DYSF: variants seen among roughly 807,000 people sequenced by gnomAD.
DYSF encodes dystrophy-associated fer-1-like 1.
In DYSF, 212 loss-of-function variants were observed where a neutral mutation model predicts 274.9. The observed-to-expected ratio is 0.77, with a 90% CI of 0.69 to 0.86. The LOEUF (loss-of-function observed/expected upper bound fraction) is 0.86. Ranked by LOEUF, DYSF falls within the 40% of genes least tolerant of loss-of-function variation. DYSF has a pLI of 0.00. For synonymous variants in DYSF, 1,091 were observed against 1,078.7 expected, an observed-to-expected ratio of 1.01 and a Z score of -0.22; for missense variants, 2,666 against 2,783.2, an observed-to-expected ratio of 0.96 and a Z score of 0.95.
At chr2:71,641,431 G>A (rs145401553) in intron 41 of DYSF, among the ~76,000 whole-genome samples, 4,346 of 151,938 alleles carry the variant, frequency 0.029, 65 homozygotes, top group Non-Finnish European at 0.039. Flanking sequence ...CACCCGCCTC[G>A]GCCTCCCAAA....
intron 14 of DYSF, among the ~76,000 whole-genome samples, chr2:71,532,550 G>A (rs1003913337): frequency 6.6e-6 from 1 of 152,210 alleles, no homozygotes; most frequent in Non-Finnish European, 1.5e-5. Context: ...AGGCAGTGCT[G>A]GCTGGGGTGT....
chr2:71,671,287 G>A (rs922178566), intron 51 of DYSF, among the ~76,000 whole-genome samples: 9 of 152,328 alleles, frequency 5.9e-5, no homozygotes, highest in South Asian at 2.1e-4. Context: ...AGCATGGGCC[G>A]TTTGCAGGTT....
intron 1 of DYSF, among the ~76,000 whole-genome samples, chr2:71,471,927 C>T (rs1187058502): frequency 6.6e-6 from 1 of 152,170 alleles, no homozygotes; most frequent in African/African-American, 2.4e-5. Flanking sequence ...GATCTCACCA[C>T]TGCTCTCCAG....
intron 10 of DYSF, among the ~76,000 whole-genome samples, 183 bp downstream of exon 10, chr2:71,517,222 A>G (rs1318297134): frequency 2.0e-5 from 3 of 152,196 alleles, no homozygotes; most frequent in Non-Finnish European, 4.4e-5. Flanking sequence ...ACCTCTCCAC[A>G]AAGGTAGAAG....
rs373032113 is a variant in DYSF at position 71,513,833 on chromosome 2, G to A, written c.671G>A (p.Arg224His). 13 of 1,614,052 alleles carry A rather than the reference G, an allele frequency of 8.1e-6. No homozygotes were observed. The highest frequency in any genetic ancestry group is 6.7e-5 in the African/African-American group (5 of 74,918). Residue 224 changes from arginine (R) to histidine (H), a missense_variant, in exon 7 of 56, where the codon CGT (arginine) becomes CAT (histidine). Arg to His is a conservative substitution (Grantham distance 29). Around this residue, in one of 3 missense-constraint regions of DYSF, gnomAD observed 794 missense variants for 777.1 expected, o/e 1.02. Transcript: ENST00000410020. Reference sequence around the variant, plus strand: ...ACCACCCCAAGGAAACTACCTTCACGTCCTCCGCCCCACTACCCCGGGATC... The same window carrying A: ...ACCACCCCAAGGAAACTACCTTCACATCCTCCGCCCCACTACCCCGGGATC... ...APTTPRKLPSRPPPHYPGIKR... is the reference protein window; with the variant it reads ...APTTPRKLPSHPPPHYPGIKR...
intron 30 of DYSF, among the ~76,000 whole-genome samples, chr2:71,578,527 G>T (rs2092787647): frequency 6.6e-6 from 1 of 152,192 alleles, no homozygotes; most frequent in Non-Finnish European, 1.5e-5. Flanking sequence ...TAAACCCCTA[G>T]AATCTGCGTC....
chr2:71,656,441 T>G (rs2094772568), intron 43 of DYSF, 151 bp downstream of exon 43: 2 of 1,181,306 alleles, frequency 1.7e-6, no homozygotes, highest in East Asian at 4.7e-5. Flanking sequence ...GTGATGCCGC[T>G]GACGCAGAAT....
intron 17 of DYSF, among the ~76,000 whole-genome samples, chr2:71,548,565 A>G (rs555436385): frequency 6.9e-5 from 8 of 116,706 alleles, no homozygotes; most frequent in Non-Finnish European, 9.0e-5. Context: ...TCCTTGGCGC[A>G]TCGCATACCT....
chr2:71,492,426 G>A (rs973617695), intron 3 of DYSF, among the ~76,000 whole-genome samples: 5 of 152,172 alleles, frequency 3.3e-5, no homozygotes, highest in Admixed American at 6.5e-5. Context: ...GCTCATTGAC[G>A]CTAACCAGGG....
At chr2:71,456,919 G>A (rs896261812) in intron 1 of DYSF, among the ~76,000 whole-genome samples, 1 of 152,292 alleles carries the variant, frequency 6.6e-6, no homozygotes, top group South Asian at 2.1e-4. Flanking sequence ...GGAGGGTGGT[G>A]CCTGGGGTCC....
At chr2:71,476,524 G>T (rs1342419714) in intron 1 of DYSF, among the ~76,000 whole-genome samples, 1 of 151,092 alleles carries the variant, frequency 6.6e-6, no homozygotes, top group African/African-American at 2.5e-5. Context: ...CTGAATGACT[G>T]GAGTGAGACT....
chr2:71,537,434 CG>C (rs2089494253), intron 16 of DYSF, among the ~76,000 whole-genome samples: 1 of 151,844 alleles, frequency 6.6e-6, no homozygotes, highest in Non-Finnish European at 1.5e-5. Context: ...TTAGTAGAAA[CG>C]GGGCTTCATC....
rs541380232 is a variant in DYSF at position 71,470,827 on chromosome 2, T to C, written c.91+3894T>C. Among the ~76,000 whole-genome samples, 4 of 149,248 alleles carry C rather than the reference T, an allele frequency of 2.7e-5. No homozygotes were observed. The South Asian group carries it at 6.6e-4, about 25-fold the overall frequency. On this transcript the variant is annotated intron_variant, in intron 1 of 55. Transcript: ENST00000410020. ...TTTTTTTGAAATGGACTTTCACTCT[T>C]ATTACCCAGGCTGGAGTGCAATGGC...
intron 29 of DYSF, chr2:71,571,006 A>G (rs563563637): frequency 8.2e-4 from 418 of 506,684 alleles, no homozygotes; most frequent in Non-Finnish European, 1.3e-3. Context: ...CACTGGGAAC[A>G]CCCACAGATC....
intron 3 of DYSF, among the ~76,000 whole-genome samples, chr2:71,498,232 C>T (rs188190406): frequency 2.1e-3 from 316 of 152,326 alleles, no homozygotes; most frequent in Non-Finnish European, 3.3e-3. Context: ...GCTCTATCAG[C>T]TTTGAATGTT....
At chr2:71,538,273 T>C (rs1359146415) in intron 16 of DYSF, among the ~76,000 whole-genome samples, 1 of 152,244 alleles carries the variant, frequency 6.6e-6, no homozygotes, top group African/African-American at 2.4e-5. Context: ...TTACTGTTTA[T>C]TATTATCAAA....
intron 17 of DYSF, among the ~76,000 whole-genome samples, chr2:71,548,450 A>G (rs138212095): frequency 3.3e-5 from 5 of 152,300 alleles, no homozygotes; most frequent in African/African-American, 4.8e-5. Context: ...ACGTGACCTC[A>G]GACTGCGTTA....
rs115178845 is a variant in DYSF at position 71,645,000 on chromosome 2, G to A, written c.4626+937G>A. Among the ~76,000 whole-genome samples, 415 of 152,248 alleles carry A rather than the reference G, an allele frequency of 2.7e-3. 1 individual carries two copies. Among genetic ancestry groups the A allele is most frequent in the African/African-American group, 9.7e-3 (402 of 41,542 alleles). On this transcript the variant is annotated intron_variant, in intron 42 of 55. Coordinates refer to ENST00000410020, the MANE Select transcript of DYSF (RefSeq NM_001130987.2). ...AGTGCCCTGCTGCTCACACCTCTAG[G>A]GGAACATGCAGATGGGCAGGTTGTG...
intron 44 of DYSF, among the ~76,000 whole-genome samples, chr2:71,660,048 A>G (rs2094849306): frequency 6.6e-6 from 1 of 152,148 alleles, no homozygotes; most frequent in African/African-American, 2.4e-5. Context: ...GTTGGTTTAT[A>G]TGCTTGAAGC....
Sources: allele counts gnomAD v4.1 joint callset (sites outside exome capture counted in the v4.1 genomes callset), GRCh38; gene constraint gnomAD v4.1.1; regional missense constraint gnomAD v4.1.1; transcripts MANE v1.5; gene names NCBI Gene and HGNC (gene_info 2026-07-23, HGNC 2026-07-21).